The following SLC41A2 variants were observed in gnomAD, a reference collection of about 807,000 sequenced individuals.
The protein encoded by SLC41A2 is SLC41A1-like 1.
A neutral mutation model predicts 58.3 loss-of-function variants in SLC41A2; 32 were observed. That is an observed-to-expected ratio of 0.55 (90% CI 0.41 to 0.74). SLC41A2 has a LOEUF of 0.74. Among genes scored for constraint, SLC41A2 ranks in the 30% least tolerant of loss-of-function variants. The probability of loss-of-function intolerance (pLI) is 0.00; values close to 1 mark genes in which losing one functional copy is unlikely to be tolerated. For missense variants in SLC41A2, 514 were observed against 680.6 expected (o/e 0.76, Z 2.72); for synonymous variants, 190 against 235.0 (o/e 0.81, Z 1.75).
intron 10 of SLC41A2, among the ~76,000 whole-genome samples, chr12:104,813,115 G>T (rs2041246408): frequency 6.6e-6 from 1 of 152,082 alleles, no homozygotes; most frequent in East Asian, 1.9e-4. Context: ...AGAGGTGGAG[G>T]TGGCAGTGAG....
chr12:104,884,614 T>C (rs2135632946), intron 6 of SLC41A2, among the ~76,000 whole-genome samples: 1 of 152,282 alleles, frequency 6.6e-6, no homozygotes, highest in Admixed American at 6.5e-5. Context: ...ACATAACCCT[T>C]TATCCTCTTC....
At chr12:104,912,722 C>T (rs1396410529) in intron 2 of SLC41A2, among the ~76,000 whole-genome samples, 1 of 152,210 alleles carries the variant, frequency 6.6e-6, no homozygotes, top group Non-Finnish European at 1.5e-5. Flanking sequence ...CAGCTTAAAG[C>T]CAGTTGGTCA....
Position 104,803,699 on chromosome 12 carries a change from G to GTGTT in SLC41A2, c.*1449_*1452dup, listed in dbSNP as rs1566082466. 6.6e-6 allele frequency: 1 copy of GTGTT among 152,084 alleles called. No homozygotes were observed. Among genetic ancestry groups the GTGTT allele is most frequent in the Non-Finnish European group, 1.5e-5 (1 of 68,020 alleles). The allele number at this position is 152,084 out of a possible 1,614,324, so 9.4% of individuals were successfully genotyped here. ...AATGGTTACCTATTCAATAACTAAG[G>GTGTT]TGTTGGTCAAGTGTTTAGAATATAG... On this transcript the variant is annotated 3_prime_UTR_variant, in exon 11 of 11. Transcript: ENST00000258538.
chr12:104,893,807 C>T (rs1295916835), intron 4 of SLC41A2, among the ~76,000 whole-genome samples: 2 of 151,976 alleles, frequency 1.3e-5, no homozygotes, highest in Admixed American at 6.6e-5. Flanking sequence ...AAAATCAAAA[C>T]AATTGAACTC....
intron 2 of SLC41A2, among the ~76,000 whole-genome samples, chr12:104,910,971 A>G (rs2046059497): frequency 6.6e-6 from 1 of 152,152 alleles, no homozygotes; most frequent in Non-Finnish European, 1.5e-5. Flanking sequence ...TTTACCATCT[A>G]TTCTCTCTGA....
intron 8 of SLC41A2, among the ~76,000 whole-genome samples, chr12:104,847,057 C>A (rs193291163): frequency 6.6e-6 from 1 of 151,660 alleles, no homozygotes; most frequent in African/African-American, 2.4e-5. Context: ...AGAGATGAAT[C>A]GGGTGTTGAA....
chr12:104,906,378 T>C (rs2135761933), intron 3 of SLC41A2, among the ~76,000 whole-genome samples: 1 of 152,214 alleles, frequency 6.6e-6, no homozygotes, highest in East Asian at 1.9e-4. Context: ...GTTGGAGGTG[T>C]AGATGGAGCT....
intron 6 of SLC41A2, among the ~76,000 whole-genome samples, chr12:104,870,860 A>G (rs866398165): frequency 1.3e-5 from 2 of 152,094 alleles, no homozygotes; most frequent in Middle Eastern, 3.2e-3. Context: ...GTAAGTTGTG[A>G]TTTTTTTCTA....
intron 10 of SLC41A2, among the ~76,000 whole-genome samples, chr12:104,813,863 T>C (rs1204575551): frequency 6.6e-6 from 1 of 152,164 alleles, no homozygotes; most frequent in African/African-American, 2.4e-5. Context: ...CTCGAACTCC[T>C]GACCTCAGGT....
chr12:104,938,654 C>T (rs904798062), intron 1 of SLC41A2, among the ~76,000 whole-genome samples: 1 of 152,234 alleles, frequency 6.6e-6, no homozygotes, highest in African/African-American at 2.4e-5. Flanking sequence ...AGAGATACAG[C>T]AACCACAGCC....
At chr12:104,905,591 G>A (rs1427192388) in intron 3 of SLC41A2, among the ~76,000 whole-genome samples, 7 of 152,216 alleles carry the variant, frequency 4.6e-5, no homozygotes, top group African/African-American at 1.4e-4. Flanking sequence ...GGCTCGGGCC[G>A]CACAGGAGCC....
At chr12:104,950,522 T>C (rs2047911858) in intron 1 of SLC41A2, among the ~76,000 whole-genome samples, 1 of 152,144 alleles carries the variant, frequency 6.6e-6, no homozygotes, top group South Asian at 2.1e-4. Context: ...CAGCCAGTCT[T>C]GGGTATTTCT....
At chr12:104,861,415 C>A in intron 7 of SLC41A2, 45 bp from the exon 8 acceptor site, 1 of 1,393,806 alleles carries the variant, frequency 7.2e-7, no homozygotes, top group South Asian at 1.2e-5. Context: ...GGGAAGAGAA[C>A]ATACTTGAAG....
At chr12:104,938,005 C>G (rs1353502521) in intron 1 of SLC41A2, among the ~76,000 whole-genome samples, 1 of 152,150 alleles carries the variant, frequency 6.6e-6, no homozygotes, top group Admixed American at 6.5e-5. Flanking sequence ...ATGTGCCCCA[C>G]AGTCCAGCAT....
chr12:104,954,341 T>C (rs1448413902), intron 1 of SLC41A2, among the ~76,000 whole-genome samples: 1 of 152,210 alleles, frequency 6.6e-6, no homozygotes, highest in African/African-American at 2.4e-5. Context: ...TAAATAAATC[T>C]AACTGCAGTA....
intron 2 of SLC41A2, among the ~76,000 whole-genome samples, chr12:104,926,762 C>G (rs2046859280): frequency 6.6e-6 from 1 of 152,060 alleles, no homozygotes; most frequent in Admixed American, 6.5e-5. Flanking sequence ...ATTTTCCTGC[C>G]ATTTGGCAAA....
At chr12:104,840,504 C>G (rs1418378876) in intron 10 of SLC41A2, among the ~76,000 whole-genome samples, 1 of 152,212 alleles carries the variant, frequency 6.6e-6, no homozygotes, top group Non-Finnish European at 1.5e-5. Flanking sequence ...TAGATACCAA[C>G]TCATCCTTAC....
intron 10 of SLC41A2, among the ~76,000 whole-genome samples, chr12:104,839,704 C>A (rs189088758): frequency 4.6e-5 from 7 of 151,990 alleles, no homozygotes; most frequent in Non-Finnish European, 7.4e-5. Context: ...GGTGTTTCAC[C>A]ATGTTGGTCA....
chr12:104,932,833 T>A (rs1053955576), intron 1 of SLC41A2, among the ~76,000 whole-genome samples: 5 of 151,928 alleles, frequency 3.3e-5, no homozygotes, highest in African/African-American at 1.2e-4. Flanking sequence ...CAGCCACATG[T>A]AGAAGAATGA....
Sources: gnomAD v4.1 joint callset for allele counts (sites outside exome capture counted in the v4.1 genomes callset) on GRCh38, gnomAD v4.1.1 for gene constraint, MANE v1.5 for transcripts, NCBI Gene and HGNC (gene_info 2026-07-23, HGNC 2026-07-21) for gene names.